PLEKHB2: variants seen among roughly 807,000 people sequenced by gnomAD.
PLEKHB2 encodes pleckstrin homology domain containing B2.
In PLEKHB2, 31 loss-of-function variants were observed where a neutral mutation model predicts 36.5. The observed-to-expected ratio is 0.85, with a 90% CI of 0.64 to 1.15. The LOEUF is 1.15. Ranked by LOEUF, PLEKHB2 falls within the 50% of genes most tolerant of loss-of-function variation. PLEKHB2 has a pLI of 0.00. For missense variants in PLEKHB2, 262 were observed against 295.3 expected (o/e 0.89, Z 0.83); for synonymous variants, 119 against 112.0 (o/e 1.06, Z -0.39).
chr2:131,122,810 T>C (rs1696650937), intron 2 of PLEKHB2, among the ~76,000 whole-genome samples: 1 of 152,216 alleles, frequency 6.6e-6, no homozygotes, highest in Non-Finnish European at 1.5e-5. Flanking sequence ...GGTGTCGTAA[T>C]GTTAGCTTCA....
intron 2 of PLEKHB2, among the ~76,000 whole-genome samples, chr2:131,123,007 C>G (rs1160787110): frequency 6.6e-6 from 1 of 152,192 alleles, no homozygotes; most frequent in African/African-American, 2.4e-5. Flanking sequence ...TTTTCCACCA[C>G]AACTTGAAGT....
At chr2:131,117,230 T>G (rs549642894) in intron 1 of PLEKHB2, among the ~76,000 whole-genome samples, 1 of 152,028 alleles carries the variant, frequency 6.6e-6, no homozygotes, top group Non-Finnish European at 1.5e-5. Flanking sequence ...GCGGGTGGAT[T>G]GCCTGGCCAA....
In PLEKHB2 at chr2:131,147,586, C is replaced by T. The variant is rs1338383014; in HGVS notation, c.*813C>T. The T allele has an allele frequency of 6.6e-6, 1 of 152,240 alleles. No homozygotes were observed. The highest frequency in any genetic ancestry group is 1.9e-4 in the East Asian group (1 of 5,196). 9.4% of individuals were successfully genotyped at this position (152,240 alleles called of 1,614,324 possible). A position where few individuals can be genotyped will look rare whatever the true frequency, so the allele number is the denominator to read the frequency against. On this transcript the variant is annotated 3_prime_UTR_variant, in exon 8 of 8. Transcript: ENST00000693505. ...GACCGAGGCGGGCGGATCACGAGGTCAGGAGATCGAGACCATCCTGGCTAA... is the reference window on the plus strand; with the variant it reads ...GACCGAGGCGGGCGGATCACGAGGTTAGGAGATCGAGACCATCCTGGCTAA...
intron 6 of PLEKHB2, 34 bp downstream of exon 6, chr2:131,133,025 GT>G: frequency 6.9e-7 from 1 of 1,439,808 alleles, no homozygotes; most frequent in Non-Finnish European, 9.8e-7. Flanking sequence ...GGTGAGGGAA[GT>G]TTGGGGTCTC....
At chr2:131,145,688 T>TTG (rs1699216268) in intron 7 of PLEKHB2, among the ~76,000 whole-genome samples, 1 of 152,170 alleles carries the variant, frequency 6.6e-6, no homozygotes, top group Non-Finnish European at 1.5e-5. Context: ...AAGTTAACGC[T>TTG]ATTAATACCT....
At chr2:131,121,497 C>G (rs956748030) in intron 2 of PLEKHB2, among the ~76,000 whole-genome samples, 1 of 152,122 alleles carries the variant, frequency 6.6e-6, no homozygotes, top group Non-Finnish European at 1.5e-5. Context: ...ATCTGCCCAC[C>G]TGGGTTCCCA....
chr2:131,143,126 G>A (rs1316452267), intron 7 of PLEKHB2, among the ~76,000 whole-genome samples: 1 of 152,138 alleles, frequency 6.6e-6, no homozygotes, highest in Admixed American at 6.6e-5. Flanking sequence ...ACTAATGTTA[G>A]TGCTCTGAGC....
At chr2:131,141,329 G>T (rs2104965884) in intron 7 of PLEKHB2, among the ~76,000 whole-genome samples, 1 of 152,074 alleles carries the variant, frequency 6.6e-6, no homozygotes, top group East Asian at 1.9e-4. Flanking sequence ...TTCATGTCAA[G>T]TTGAAAACCA....
At chr2:131,138,594 C>T (rs1462714640) in intron 6 of PLEKHB2, among the ~76,000 whole-genome samples, 2 of 152,140 alleles carry the variant, frequency 1.3e-5, no homozygotes, top group Non-Finnish European at 2.9e-5. Context: ...AGTTGACACC[C>T]ATGGGCCAGG....
chr2:131,123,237 G>A (rs942971294), intron 2 of PLEKHB2, among the ~76,000 whole-genome samples: 5 of 152,158 alleles, frequency 3.3e-5, no homozygotes, highest in Admixed American at 6.6e-5. Context: ...CTTCTTTCCT[G>A]AAAGTAGAAG....
chr2:131,133,582 G>C (rs2104917611), intron 6 of PLEKHB2, among the ~76,000 whole-genome samples: 1 of 152,288 alleles, frequency 6.6e-6, no homozygotes, highest in East Asian at 1.9e-4. Context: ...ATTTGGAATT[G>C]GTGTGGTATT....
chr2:131,146,618 T>C lies in PLEKHB2; in HGVS notation c.533-19T>C, dbSNP rs2105000033. On this transcript the variant is annotated intron_variant, in intron 7 of 7. Transcript: ENST00000693505. ...CACAAACCGCTGCTCAGAAATCTGCTATTTTCCTTCTCTTTTAGGACTTTA... is the reference window on the plus strand; with the variant it reads ...CACAAACCGCTGCTCAGAAATCTGCCATTTTCCTTCTCTTTTAGGACTTTA... The C allele has an allele frequency of 6.2e-7, 1 of 1,600,150 alleles. No homozygotes were observed. Among genetic ancestry groups the C allele is most frequent in the Non-Finnish European group, 8.5e-7 (1 of 1,172,880 alleles).
intron 1 of PLEKHB2, among the ~76,000 whole-genome samples, chr2:131,107,076 T>G (rs1231266503): frequency 6.6e-6 from 1 of 152,232 alleles, no homozygotes; most frequent in Non-Finnish European, 1.5e-5. Flanking sequence ...AAAGCTTTGC[T>G]TATGCTTTTC....
intron 5 of PLEKHB2, among the ~76,000 whole-genome samples, chr2:131,132,348 C>T (rs1362465335): frequency 6.6e-6 from 1 of 152,066 alleles, no homozygotes; most frequent in Non-Finnish European, 1.5e-5. Context: ...GCCTTGTTGC[C>T]TGGGCTGGAG....
chr2:131,144,450 G>C, intron 7 of PLEKHB2: 1 of 1,213,748 alleles, frequency 8.2e-7, no homozygotes, highest in Non-Finnish European at 1.0e-6. Context: ...GTTTCCAGGG[G>C]TAAGTCCAAG....
At chr2:131,131,940 TCTC>T (rs1473791100) in intron 5 of PLEKHB2, among the ~76,000 whole-genome samples, 2 of 151,916 alleles carry the variant, frequency 1.3e-5, no homozygotes, top group Non-Finnish European at 2.9e-5. Flanking sequence ...TTCAAGCAGT[TCTC>T]CTGCCTCAGA....
chr2:131,114,234 T>C (rs1204857009), intron 1 of PLEKHB2, among the ~76,000 whole-genome samples: 1 of 152,162 alleles, frequency 6.6e-6, no homozygotes, highest in Non-Finnish European at 1.5e-5. Context: ...CGCACCATTC[T>C]CCTGCCTCAG....
At chr2:131,108,172 T>A (rs1240997889) in intron 1 of PLEKHB2, 4 of 152,256 alleles carry the variant, frequency 2.6e-5, no homozygotes, top group Admixed American at 6.5e-5. Context: ...CCAAAGGCAG[T>A]ATTTTTTGTC....
Position 131,108,812 on chromosome 2 carries a change from G to C in PLEKHB2, c.-9+3414G>C, listed in dbSNP as rs184520963. ...ATAGTAGTAAATAGTAATAATTGCT[G>C]TCAAAGCAGCTACCATTTATCGAGT... On this transcript the variant is annotated intron_variant, in intron 1 of 7. Transcript: ENST00000693505. Among the ~76,000 whole-genome samples, 349 of 152,302 alleles carry C rather than the reference G, an allele frequency of 2.3e-3. 2 individuals carry two copies. Among genetic ancestry groups the C allele is most frequent in the African/African-American group, 7.8e-3 (323 of 41,566 alleles).
Sources: allele counts gnomAD v4.1 joint callset (sites outside exome capture counted in the v4.1 genomes callset), GRCh38; gene constraint gnomAD v4.1.1; transcripts MANE v1.5; gene names NCBI Gene and HGNC (gene_info 2026-07-23, HGNC 2026-07-21).